SPG7: variants seen among roughly 807,000 people sequenced by gnomAD.
SPG7 encodes SPG7 matrix AAA peptidase subunit, paraplegin, also known as mitochondrial inner membrane m-AAA protease component paraplegin.
A neutral mutation model predicts 81.9 loss-of-function variants in SPG7; 103 were observed. That is an observed-to-expected ratio of 1.26 (90% CI 1.07 to 1.48). SPG7 has a LOEUF of 1.48. Ranked by LOEUF, SPG7 falls within the 40% of genes most tolerant of loss-of-function variation. SPG7 has a pLI of 0.00. For synonymous variants in SPG7, 534 were observed against 444.2 expected, an observed-to-expected ratio of 1.20 and a Z score of -2.54; for missense variants, 1,241 against 1,087.3, an observed-to-expected ratio of 1.14 and a Z score of -1.99.
chr16:89,546,347 G>A (rs1442767943), intron 10 of SPG7: 16 of 365,570 alleles, frequency 4.4e-5, no homozygotes, highest in South Asian at 2.3e-4. Flanking sequence ...GTGAGCCACC[G>A]GGCCCGGCCA....
chr16:89,533,159 C>T (rs951376098), intron 9 of SPG7: 5 of 164,852 alleles, frequency 3.0e-5, no homozygotes. Flanking sequence ...ATAAGTGGTA[C>T]GTCAGATGTA....
intron 7 of SPG7, 159 bp downstream of exon 7, chr16:89,530,967 C>T (rs560864909): frequency 1.1e-6 from 1 of 913,352 alleles, no homozygotes; most frequent in African/African-American, 1.6e-5. Flanking sequence ...GGTGCTGGTG[C>T]CTGTTCAACC....
At chr16:89,549,184 G>C in intron 12 of SPG7, 1 of 456,760 alleles carries the variant, frequency 2.2e-6, no homozygotes, top group Non-Finnish European at 4.4e-6. Context: ...GATAATAGTA[G>C]CAAAGCAGGA....
At chr16:89,526,091 G>A (rs2058256207) in intron 4 of SPG7, among the ~76,000 whole-genome samples, 1 of 152,168 alleles carries the variant, frequency 6.6e-6, no homozygotes, top group Admixed American at 6.5e-5. Context: ...TCACTGGGAG[G>A]TAGCCCCATC....
In SPG7 at chr16:89,553,099, G is replaced by A; in HGVS notation, c.1900G>A (p.Ala634Thr). The A allele has an allele frequency of 1.2e-6, 2 of 1,612,714 alleles. No individual in the cohort carries two copies. The highest frequency in any genetic ancestry group is 8.5e-7 in the Non-Finnish European group (1 of 1,179,474). Reference sequence around the variant, plus strand: ...GATGTGCATGGCCCTGGGAGGACGGGCCTCGGAAGCACTGTCCTTCAACGA... The same window carrying A: ...GATGTGCATGGCCCTGGGAGGACGGACCTCGGAAGCACTGTCCTTCAACGA... ...ERMCMALGGR[A>T]SEALSFNEVT... is the part of the protein sequence containing the mutation. The change falls in exon 14 of 17, where the codon GCC becomes ACC. Residue 634 changes from alanine to threonine, a missense_variant. Transcript: ENST00000645818.
chr16:89,537,640 A>T, intron 9 of SPG7: 1 of 940,440 alleles, frequency 1.1e-6, no homozygotes, highest in Non-Finnish European at 1.3e-6. Flanking sequence ...CAAGCTTCCT[A>T]AGTAGTTGGG....
rs78180409 is a variant in SPG7, at chr16:89,530,600, C to T, written c.862-83C>T. 5.2e-4 allele frequency: 819 copies of T among 1,561,792 alleles called. 2 individuals are homozygous for T. The African/African-American group carries it at 5.4e-3, about 10-fold the overall frequency. ...ATGGAGACGTGGGGTTGGGGCGGCT[C>T]AGGTGCGTGGGCTGAGCGCTGGCAT... On this transcript the variant is annotated intron_variant, in intron 6 of 16. Coordinates refer to ENST00000645818, the MANE Select transcript of SPG7 (RefSeq NM_003119.4).
chr16:89,549,045 A>C (rs4325552), intron 12 of SPG7: 78,154 of 456,312 alleles, frequency 0.17, 7,063 homozygotes, highest in Middle Eastern at 0.19. Context: ...CTGCTGTGCC[A>C]GACACTGCAA....
chr16:89,527,395 C>A (rs575922476), intron 5 of SPG7: 1 of 152,342 alleles, frequency 6.6e-6, no homozygotes, highest in Non-Finnish European at 1.5e-5. Flanking sequence ...GCCGGAGATA[C>A]CTAGTGATCT....
intron 3 of SPG7, chr16:89,523,652 G>A (rs28643511): frequency 0.46 from 211,226 of 461,328 alleles, 50,385 homozygotes; most frequent in East Asian, 0.68. Flanking sequence ...CGCGATCACG[G>A]CTCACTGCAG....
At chr16:89,554,888 C>A in intron 16 of SPG7, 1 of 282,424 alleles carries the variant, frequency 3.5e-6, no homozygotes, top group Non-Finnish European at 6.8e-6. Flanking sequence ...TTTTTTAAAA[C>A]AAAGCTTTAA....
At chr16:89,520,672 C>T (rs116918202) in intron 3 of SPG7, 5,693 of 152,196 alleles carry the variant, frequency 0.037, 124 homozygotes, top group Non-Finnish European at 0.061. Flanking sequence ...GCCTGGATGA[C>T]AGTCGTAAGC....
At chr16:89,529,964 C>A (rs142968504) in intron 6 of SPG7, 4,169 of 321,926 alleles carry the variant, frequency 0.013, 163 homozygotes, top group African/African-American at 0.084. Flanking sequence ...CTCAGCTTCC[C>A]GAGTAGCTGG....
rs757282641 is a variant in SPG7, at chr16:89,547,992, T to G, written c.1553-11T>G. 1 of 1,608,776 alleles carries G rather than the reference T, an allele frequency of 6.2e-7. No individual in the cohort carries two copies. Among genetic ancestry groups the G allele is most frequent in the South Asian group, 1.1e-5 (1 of 90,654 alleles). On this transcript the variant is annotated splice_polypyrimidine_tract_variant and intron_variant, in intron 11 of 16. Transcript: ENST00000645818. ...CCCACCCACCCACACCGTGGCTGTT[T>G]GTGTTGACAGGGGCTGACATCGCCA...
At chr16:89,509,440 G>A (rs1289495468) in intron 1 of SPG7, among the ~76,000 whole-genome samples, 1 of 152,078 alleles carries the variant, frequency 6.6e-6, no homozygotes, top group African/African-American at 2.4e-5. Flanking sequence ...TAGTAGAGAC[G>A]GGGTTTCACC....
At chr16:89,532,398 G>T in intron 8 of SPG7, 65 bp from the exon 9 acceptor site, 1 of 1,573,176 alleles carries the variant, frequency 6.4e-7, no homozygotes, top group Non-Finnish European at 8.7e-7. Flanking sequence ...GTCTGGCCCG[G>T]GTACAGGAAG....
intron 10 of SPG7, chr16:89,544,974 C>T: frequency 4.6e-6 from 3 of 648,840 alleles, no homozygotes; most frequent in South Asian, 1.7e-5. Context: ...GCTGTGGCCC[C>T]CACATTGGCT....
chr16:89,512,543 C>G (rs1011748656), intron 2 of SPG7, among the ~76,000 whole-genome samples: 16 of 152,128 alleles, frequency 1.1e-4, no homozygotes, highest in Non-Finnish European at 2.4e-4. Flanking sequence ...GAACTCCTGA[C>G]CTCGTGAACC....
intron 3 of SPG7, among the ~76,000 whole-genome samples, chr16:89,516,106 A>T (rs1309084662): frequency 6.6e-6 from 1 of 151,658 alleles, no homozygotes; most frequent in Admixed American, 6.6e-5. Context: ...TCCTGCCTCA[A>T]CCTCACGAAT....
Sources: gnomAD v4.1 joint callset for allele counts (sites outside exome capture counted in the v4.1 genomes callset) on GRCh38, gnomAD v4.1.1 for gene constraint, MANE v1.5 for transcripts, NCBI Gene and HGNC (gene_info 2026-07-23, HGNC 2026-07-21) for gene names.